PRKD1: variants seen among roughly 807,000 people sequenced by gnomAD.
PRKD1 encodes serine/threonine-protein kinase D1.
In PRKD1, 63 loss-of-function variants were observed where a neutral mutation model predicts 95.9. That is an observed-to-expected ratio of 0.66 (90% CI 0.54 to 0.81). The LOEUF (loss-of-function observed/expected upper bound fraction) is 0.81, where lower values mean the gene tolerates loss of function less well. Among genes scored for constraint, PRKD1 ranks in the 30% least tolerant of loss-of-function variants. PRKD1 has a pLI of 0.00. For missense variants in PRKD1, 1,048 were observed against 1,165.3 expected (o/e 0.90, Z 1.47); for synonymous variants, 425 against 423.1 (o/e 1.00, Z -0.05).
chr14:29,656,452 G>C, intron 4 of PRKD1: 9 of 1,525,836 alleles, frequency 5.9e-6, no homozygotes, highest in Non-Finnish European at 7.9e-6. Flanking sequence ...CAAATTTCTA[G>C]CACCAGGTAG....
chr14:29,820,629 T>C (rs181496202), intron 1 of PRKD1, among the ~76,000 whole-genome samples: 9 of 152,226 alleles, frequency 5.9e-5, no homozygotes, highest in East Asian at 1.9e-4. Context: ...ATCAGTATGG[T>C]TGGGAACACA....
chr14:29,577,686 C>G (rs1033720030), intron 17 of PRKD1, among the ~76,000 whole-genome samples: 1 of 152,150 alleles, frequency 6.6e-6, no homozygotes, highest in South Asian at 2.1e-4. Context: ...AAAGAGTGGG[C>G]AATTAATGTT....
chr14:29,776,612 T>G (rs1202048542), intron 1 of PRKD1, among the ~76,000 whole-genome samples: 2 of 151,976 alleles, frequency 1.3e-5, no homozygotes, highest in Non-Finnish European at 2.9e-5. Flanking sequence ...GTAAAAGAAA[T>G]GAATAAAGCG....
intron 1 of PRKD1, among the ~76,000 whole-genome samples, chr14:29,799,164 T>C (rs1490282331): frequency 6.6e-6 from 1 of 152,234 alleles, no homozygotes; most frequent in Non-Finnish European, 1.5e-5. Flanking sequence ...ATCAAAGTTG[T>C]AGACTTGCTA....
At chr14:29,811,449 A>T (rs190608552) in intron 1 of PRKD1, among the ~76,000 whole-genome samples, 46 of 152,176 alleles carry the variant, frequency 3.0e-4, no homozygotes, top group Middle Eastern at 3.4e-3. Flanking sequence ...CAGAAGGATG[A>T]CCCCCAGAAG....
chr14:29,761,894 C>T (rs1188406420), intron 1 of PRKD1, among the ~76,000 whole-genome samples: 1 of 151,554 alleles, frequency 6.6e-6, no homozygotes, highest in Non-Finnish European at 1.5e-5. Context: ...GCAATCCTCA[C>T]ACCTCAGCTC....
At chr14:29,646,207 T>C (rs1007516648) in intron 4 of PRKD1, among the ~76,000 whole-genome samples, 1 of 152,096 alleles carries the variant, frequency 6.6e-6, no homozygotes, top group Non-Finnish European at 1.5e-5. Flanking sequence ...ATACAATGGC[T>C]ATGTTGTGCA....
At chr14:29,680,173 T>A (rs952087027) in intron 2 of PRKD1, among the ~76,000 whole-genome samples, 4 of 152,164 alleles carry the variant, frequency 2.6e-5, no homozygotes, top group Non-Finnish European at 5.9e-5. Context: ...TGTCATTTAT[T>A]TTAGTTAAAA....
intron 13 of PRKD1, among the ~76,000 whole-genome samples, chr14:29,616,970 T>G (rs1229443382): frequency 6.6e-6 from 1 of 152,158 alleles, no homozygotes; most frequent in Non-Finnish European, 1.5e-5. Context: ...CTCCCTCAAG[T>G]AGGACCTAGT....
At chr14:29,831,651 T>G (rs1416252794) in intron 1 of PRKD1, among the ~76,000 whole-genome samples, 4 of 152,090 alleles carry the variant, frequency 2.6e-5, no homozygotes, top group Non-Finnish European at 5.9e-5. Flanking sequence ...GTATTTTTAG[T>G]AGAGATGGGG....
rs535184150 is a variant in PRKD1 at position 29,617,384 on chromosome 14, T to G, written c.1905+6768A>C. Among the ~76,000 whole-genome samples, 154 of 152,316 alleles carry G rather than the reference T, an allele frequency of 1.0e-3. 1 individual carries two copies. Among genetic ancestry groups the G allele is most frequent in the Non-Finnish European group, 2.0e-3 (135 of 68,040 alleles). ...GTTCTGTTTTTAAATGAAGACAGAC[T>G]TGGATGAGAAGAGAATATAAACCAG... On this transcript the variant is annotated intron_variant, in intron 13 of 17. Coordinates refer to ENST00000331968, the MANE Select transcript of PRKD1 (RefSeq NM_002742.3).
intron 4 of PRKD1, among the ~76,000 whole-genome samples, chr14:29,648,154 C>T (rs1453871755): frequency 6.6e-6 from 1 of 151,738 alleles, no homozygotes; most frequent in Non-Finnish European, 1.5e-5. Context: ...TTAACTTTTA[C>T]TTCAAGGGGG....
intron 13 of PRKD1, among the ~76,000 whole-genome samples, chr14:29,610,043 T>C (rs1244943589): frequency 6.6e-6 from 1 of 152,160 alleles, no homozygotes; most frequent in African/African-American, 2.4e-5. Flanking sequence ...GAGAGGAGTA[T>C]GCAGAAAGCA....
chr14:29,589,050 C>T (rs1213470290), intron 16 of PRKD1, among the ~76,000 whole-genome samples: 1 of 152,018 alleles, frequency 6.6e-6, no homozygotes, highest in Non-Finnish European at 1.5e-5. Flanking sequence ...GTGTTGATTA[C>T]TGCCTGTTTG....
intron 2 of PRKD1, among the ~76,000 whole-genome samples, chr14:29,709,063 G>C (rs1171573228): frequency 6.6e-6 from 1 of 151,976 alleles, no homozygotes; most frequent in Non-Finnish European, 1.5e-5. Flanking sequence ...CTTTGTTGAT[G>C]GCAAATTCAG....
chr14:29,638,486 T>C lies in PRKD1; in HGVS notation c.985+3A>G. 2 of 1,613,812 alleles carry C rather than the reference T, an allele frequency of 1.2e-6. No homozygotes were observed. Among genetic ancestry groups the C allele is most frequent in the East Asian group, 2.2e-5 (1 of 44,892 alleles). ...CAGACATGACAGCTGATCTTTTACC[T>C]ACCTCCATTAATGGTCACTTCGCCA... On this transcript the variant is annotated splice_donor_region_variant and intron_variant, in intron 6 of 17. Transcript: ENST00000331968.
intron 2 of PRKD1, among the ~76,000 whole-genome samples, chr14:29,710,915 G>C (rs955998679): frequency 3.0e-4 from 46 of 152,112 alleles, no homozygotes; most frequent in Admixed American, 1.3e-3. Flanking sequence ...TTCAAAACTA[G>C]AAAGATGCAT....
At chr14:29,827,091 GA>G (rs1310270544) in intron 1 of PRKD1, among the ~76,000 whole-genome samples, 1 of 151,104 alleles carries the variant, frequency 6.6e-6, no homozygotes, top group East Asian at 2.0e-4. Context: ...GGCGGGAAAG[GA>G]GTGAGGGATA....
chr14:29,834,285 T>C (rs1270685089), intron 1 of PRKD1, among the ~76,000 whole-genome samples: 3 of 152,158 alleles, frequency 2.0e-5, no homozygotes, highest in Admixed American at 2.0e-4. Flanking sequence ...AGCTGTACCA[T>C]TGATCTACTT....
Sources: gnomAD v4.1 joint callset for allele counts (sites outside exome capture counted in the v4.1 genomes callset) on GRCh38, gnomAD v4.1.1 for gene constraint, MANE v1.5 for transcripts, NCBI Gene and HGNC (gene_info 2026-07-23, HGNC 2026-07-21) for gene names.